The following TMED8 variants were observed in gnomAD, a reference collection of about 807,000 sequenced individuals.
The protein encoded by TMED8 is protein TMED8.
In TMED8, 15 loss-of-function variants were observed where a neutral mutation model predicts 32.7. The ratio of observed to expected loss-of-function variants is 0.46; its 90% CI spans 0.31 to 0.71. TMED8 has a LOEUF of 0.71. Ranked by LOEUF, TMED8 falls within the 30% of genes least tolerant of loss-of-function variation. The pLI, the probability that TMED8 is intolerant of heterozygous loss-of-function variation, is 0.06. For synonymous variants in TMED8, 147 were observed against 161.4 expected (o/e 0.91, Z 0.68); for missense variants, 390 against 423.9 (o/e 0.92, Z 0.70).
rs1892785991 is a variant in TMED8 at position 77,337,371 on chromosome 14, G to T, written c.*4400C>A. 6.6e-6 allele frequency: 1 copy of T among 152,176 alleles called. No homozygotes were observed. Among genetic ancestry groups the T allele is most frequent in the Non-Finnish European group, 1.5e-5 (1 of 68,114 alleles). 9.4% of individuals were successfully genotyped at this position (152,176 alleles called of 1,614,324 possible). A position where few individuals can be genotyped will look rare whatever the true frequency, so the allele number is the denominator to read the frequency against. ...AAATACAGCACAGATGTATTTTCTT[G>T]AAAGATGGAGACCAAGAAACAATTT... On this transcript the variant is annotated 3_prime_UTR_variant, in exon 6 of 6. Coordinates refer to ENST00000216468, the MANE Select transcript of TMED8 (RefSeq NM_213601.3).
Position 77,342,413 on chromosome 14 carries a change from C to T in TMED8, c.761-425G>A, listed in dbSNP as rs373311804. Among the ~76,000 whole-genome samples the T allele has an allele frequency of 6.1e-4, 90 of 146,898 alleles. No homozygotes were observed. In the South Asian group the frequency reaches 7.1e-3, roughly 12 times the overall value. On this transcript the variant is annotated intron_variant, in intron 5 of 5. Coordinates refer to ENST00000216468, the MANE Select transcript of TMED8 (RefSeq NM_213601.3). ...AACGAAGATAGGAATTGCAGATAAA[C>T]GTGCTATAAAGTGACCCTAGGATTC... is the stretch of plus-strand genomic sequence containing the variant.
chr14:77,359,495 A>C (rs1321106872), intron 1 of TMED8: 2 of 305,000 alleles, frequency 6.6e-6, no homozygotes, highest in African/African-American at 4.6e-5. Flanking sequence ...AACATGACCT[A>C]CCCAGGACAA....
rs746339906 is a variant in TMED8, at chr14:77,376,912, C to G, written c.118+24G>C. ...GCCCTGAGGCCGGGCGGCACCCACC[C>G]GCCAGCGCCCCGGCCTTGCGTACCT... On this transcript the variant is annotated intron_variant, in intron 1 of 5. Transcript: ENST00000216468. This position sits in a 1 kb window ranked among gnomAD's most constrained non-coding sequence, Gnocchi z 4.0. 23 of 1,381,242 alleles carry G rather than the reference C, an allele frequency of 1.7e-5. No individual in the cohort carries two copies. In the South Asian group the frequency reaches 1.9e-4, roughly 11 times the overall value. 85.6% of individuals were successfully genotyped at this position (1,381,242 alleles called of 1,614,324 possible). A position where few individuals can be genotyped will look rare whatever the true frequency, so the allele number is the denominator to read the frequency against.
rs576546721 is a variant in TMED8, at chr14:77,364,603, C to G, written c.118+12333G>C. 2.0e-5 allele frequency among the ~76,000 whole-genome samples: 3 copies of G among 152,210 alleles called. No individual in the cohort carries two copies. The East Asian group carries it at 5.8e-4, about 29-fold the overall frequency. On this transcript the variant is annotated intron_variant, in intron 1 of 5. Coordinates refer to ENST00000216468, the MANE Select transcript of TMED8 (RefSeq NM_213601.3). ...AGTCTGGTGGCATAATCAGAGCTCA[C>G]TGCAGCCTCAAACTCTTGGGCTCAA...
At chr14:77,364,859 A>T (rs2139630854) in intron 1 of TMED8, among the ~76,000 whole-genome samples, 1 of 152,238 alleles carries the variant, frequency 6.6e-6, no homozygotes, top group Non-Finnish European at 1.5e-5. Context: ...CCATTTCCCC[A>T]CATTCTCACT....
At position 77,377,019 on chromosome 14, in the gene TMED8, G is replaced by A; in HGVS notation, c.35C>T (p.Ser12Phe). The A allele has an allele frequency of 4.3e-6, 6 of 1,405,610 alleles. No homozygotes were observed. Among genetic ancestry groups the A allele is most frequent in the Non-Finnish European group, 5.5e-6 (6 of 1,090,028 alleles). 87.1% of individuals were successfully genotyped at this position (1,405,610 alleles called of 1,614,324 possible). The change falls in exon 1 of 6, where the codon TCC becomes TTC. Residue 12 changes from serine to phenylalanine, a missense_variant. Coordinates refer to ENST00000216468, the MANE Select transcript of TMED8 (RefSeq NM_213601.3). Reference sequence around the variant, plus strand: ...CCCTGGGCGGGCTGTGGGGCTCCAGGAGCCCGGCCCCTCAGCCGCCTGCAG... The same window carrying A: ...CCCTGGGCGGGCTGTGGGGCTCCAGAAGCCCGGCCCCTCAGCCGCCTGCAG... ...SDLQAAEGPG[S>F]WSPTARPGSA...
intron 1 of TMED8, among the ~76,000 whole-genome samples, chr14:77,373,984 A>C (rs1377930535): frequency 6.6e-6 from 1 of 152,060 alleles, no homozygotes; most frequent in East Asian, 1.9e-4. Context: ...TGAGGCCCTC[A>C]CCAGAAACAG....
At chr14:77,361,642 T>C (rs1382252631) in intron 1 of TMED8, among the ~76,000 whole-genome samples, 1 of 152,234 alleles carries the variant, frequency 6.6e-6, no homozygotes, top group African/African-American at 2.4e-5. Flanking sequence ...TAAATCTGCA[T>C]ATTGTTTTGG....
rs1248511244 is a variant in TMED8 at position 77,343,707 on chromosome 14, G to T, written c.444C>A (p.Asp148Glu). 1 of 1,614,110 alleles carries T rather than the reference G, an allele frequency of 6.2e-7. No homozygotes were observed. Among genetic ancestry groups the T allele is most frequent in the East Asian group, 2.2e-5 (1 of 44,888 alleles). ...ADLESADLLGDHRKVSPPLMA... is the reference protein window; with the variant it reads ...ADLESADLLGEHRKVSPPLMA... ...TCCCAAAGGTCTCACCTTTCCTGTG[G>T]TCCCCCAGAAGATCTGCAGATTCCA... is the stretch of plus-strand genomic sequence containing the variant. Residue 148 changes from aspartate (D) to glutamate (E), a missense_variant, in exon 4 of 6, where the codon GAC becomes GAA. Physicochemically the swap from Asp to Glu is conservative, Grantham distance 45. Transcript: ENST00000216468.
At position 77,336,898 on chromosome 14, in the gene TMED8, C is replaced by G. The variant is rs1405803357; in HGVS notation, c.*4873G>C. 6.6e-6 allele frequency: 1 copy of G among 152,154 alleles called. No individual in the cohort carries two copies. The highest frequency in any genetic ancestry group is 1.5e-5 in the Non-Finnish European group (1 of 68,026). The allele number at this position is 152,154 out of a possible 1,614,324, so 9.4% of individuals were successfully genotyped here. Reference sequence around the variant, plus strand: ...TAGAGTCTGGGTTTCAACTAATTCTCTCAAAGAGGGACTGAGCAGGACTCA... The same window carrying G: ...TAGAGTCTGGGTTTCAACTAATTCTGTCAAAGAGGGACTGAGCAGGACTCA... On this transcript the variant is annotated 3_prime_UTR_variant, in exon 6 of 6. Coordinates refer to ENST00000216468, the MANE Select transcript of TMED8 (RefSeq NM_213601.3).
At chr14:77,351,411 A>ATTTTTT (rs1181134385) in intron 2 of TMED8, among the ~76,000 whole-genome samples, 1 of 102,134 alleles carries the variant, frequency 9.8e-6, no homozygotes, top group Non-Finnish European at 1.8e-5. Flanking sequence ...CGCCCCGCTA[A>ATTTTTT]TTTTTTTTTT....
chr14:77,343,587 C>T, intron 4 of TMED8, 104 bp from the exon 5 acceptor site: 5 of 1,577,240 alleles, frequency 3.2e-6, no homozygotes, highest in Non-Finnish European at 4.3e-6. Context: ...TTTCTACTGG[C>T]TTGACTTCCT....
chr14:77,339,721 A>G lies in TMED8; in HGVS notation c.*2050T>C, dbSNP rs758084069. ...TCACTAAAATAATTTCTTTAAAGGT[A>G]TATAAATGTTGGCCAGTGTAATCCT... is the stretch of plus-strand genomic sequence containing the variant. On this transcript the variant is annotated 3_prime_UTR_variant, in exon 6 of 6. Coordinates refer to ENST00000216468, the MANE Select transcript of TMED8 (RefSeq NM_213601.3). The G allele has an allele frequency of 2.0e-5, 3 of 152,238 alleles. No individual in the cohort carries two copies. The highest frequency in any genetic ancestry group is 6.5e-5 in the Admixed American group (1 of 15,284). 9.4% of individuals were successfully genotyped at this position (152,238 alleles called of 1,614,324 possible).
intron 5 of TMED8, among the ~76,000 whole-genome samples, chr14:77,342,335 T>C (rs756993973): frequency 2.0e-5 from 3 of 152,050 alleles, no homozygotes; most frequent in Non-Finnish European, 2.9e-5. Flanking sequence ...GAAAGAGATA[T>C]TTAGAAGAAA....
rs1216048715 is a variant in TMED8, at chr14:77,338,277, T to C, written c.*3494A>G. On this transcript the variant is annotated 3_prime_UTR_variant, in exon 6 of 6. Coordinates refer to ENST00000216468, the MANE Select transcript of TMED8 (RefSeq NM_213601.3). ...ATTTTGAAATGGCCCTACAAAGCTG[T>C]CTCTTGTGGGGGAAACTGCATTCTG... 1 of 152,160 alleles carries C rather than the reference T, an allele frequency of 6.6e-6. No homozygotes were observed. Among genetic ancestry groups the C allele is most frequent in the Non-Finnish European group, 1.5e-5 (1 of 68,038 alleles). 9.4% of individuals were successfully genotyped at this position (152,160 alleles called of 1,614,324 possible). A position where few individuals can be genotyped will look rare whatever the true frequency, so the allele number is the denominator to read the frequency against.
Position 77,338,037 on chromosome 14 carries a change from A to C in TMED8, c.*3734T>G, listed in dbSNP as rs542654463. Reference sequence around the variant, plus strand: ...CCATGATGGGAAGACAGGGTGCCTCATATTATGGTCAGATTACAGGGTGCC... The same window carrying C: ...CCATGATGGGAAGACAGGGTGCCTCCTATTATGGTCAGATTACAGGGTGCC... On this transcript the variant is annotated 3_prime_UTR_variant, in exon 6 of 6. Coordinates refer to ENST00000216468, the MANE Select transcript of TMED8 (RefSeq NM_213601.3). 1 of 152,254 alleles carries C rather than the reference A, an allele frequency of 6.6e-6. No homozygotes were observed. Among genetic ancestry groups the C allele is most frequent in the Non-Finnish European group, 1.5e-5 (1 of 68,014 alleles). The allele number at this position is 152,254 out of a possible 1,614,324, so 9.4% of individuals were successfully genotyped here. A position where few individuals can be genotyped will look rare whatever the true frequency, so the allele number is the denominator to read the frequency against.
intron 1 of TMED8, among the ~76,000 whole-genome samples, chr14:77,352,117 G>C (rs937849538): frequency 2.6e-5 from 4 of 151,362 alleles, no homozygotes; most frequent in African/African-American, 9.7e-5. Flanking sequence ...CTGGGCAACA[G>C]AGCAAGACCC....
Position 77,341,522 on chromosome 14 carries a change from G to A in TMED8, c.*249C>T, listed in dbSNP as rs1892897884. ...TTGTGCCCCATAGGTGCCTTCAAGA[G>A]GGAATTTGCTGGAGTCTGAAGCAAG... On this transcript the variant is annotated 3_prime_UTR_variant, in exon 6 of 6. Transcript: ENST00000216468. The A allele has an allele frequency of 1.8e-6, 1 of 542,806 alleles. No homozygotes were observed. Among genetic ancestry groups the A allele is most frequent in the Non-Finnish European group, 3.3e-6 (1 of 301,592 alleles). The allele number at this position is 542,806 out of a possible 1,614,324, so 33.6% of individuals were successfully genotyped here. A position where few individuals can be genotyped will look rare whatever the true frequency, so the allele number is the denominator to read the frequency against.
chr14:77,359,623 T>TAATG (rs1398131549), intron 1 of TMED8: 1 of 382,034 alleles, frequency 2.6e-6, no homozygotes, highest in Non-Finnish European at 5.1e-6. Context: ...AAAGAAATAT[T>TAATG]AATGAATATC....
Sources: allele counts gnomAD v4.1 joint callset (sites outside exome capture counted in the v4.1 genomes callset), GRCh38; gene constraint gnomAD v4.1.1; non-coding constraint Gnocchi (gnomAD v3.1); transcripts MANE v1.5; gene names NCBI Gene and HGNC (gene_info 2026-07-23, HGNC 2026-07-21).